RMND1: variants seen among roughly 807,000 people sequenced by gnomAD.
RMND1 encodes required for meiotic nuclear division protein 1 homolog.
Under a neutral mutation model 54.0 loss-of-function variants are expected in RMND1, and 41 were observed. The observed-to-expected ratio is 0.76, with a 90% CI of 0.59 to 0.98. The LOEUF (loss-of-function observed/expected upper bound fraction) is 0.98, where lower values mean the gene tolerates loss of function less well. RMND1 is among the 50% of genes least tolerant of loss of function. RMND1 has a pLI of 0.00. For missense variants in RMND1, 457 were observed against 532.0 expected, an observed-to-expected ratio of 0.86 and a Z score of 1.39; for synonymous variants, 183 against 181.7, an observed-to-expected ratio of 1.01 and a Z score of -0.06.
At chr6:151,410,293 G>A (rs1300078319) in intron 10 of RMND1, among the ~76,000 whole-genome samples, 1 of 152,122 alleles carries the variant, frequency 6.6e-6, no homozygotes, top group African/African-American at 2.4e-5. Context: ...CTGACCTTGT[G>A]ATCCGCCCTC....
chr6:151,435,476 C>T (rs1780577196), intron 3 of RMND1, among the ~76,000 whole-genome samples: 1 of 151,870 alleles, frequency 6.6e-6, no homozygotes, highest in South Asian at 2.1e-4. Context: ...TAAAGCAAGC[C>T]ATTTCTCAAG....
chr6:151,445,820 C>A lies in RMND1; in HGVS notation c.-9G>T. 6.4e-7 allele frequency: 1 copy of A among 1,571,352 alleles called. No individual in the cohort carries two copies. Among genetic ancestry groups the A allele is most frequent in the Non-Finnish European group, 8.6e-7 (1 of 1,160,406 alleles). On this transcript the variant is annotated 5_prime_UTR_variant, in exon 2 of 12. Coordinates refer to ENST00000444024, the MANE Select transcript of RMND1 (RefSeq NM_017909.4). ...AGGAGTGTGGCTGGCATTACCACAT[C>A]CCAAGCTAAAAGAAAAGGAATTCAA...
intron 7 of RMND1, 110 bp downstream of exon 7, chr6:151,423,415 G>T: frequency 1.5e-6 from 1 of 689,144 alleles, no homozygotes; most frequent in Non-Finnish European, 2.5e-6. Flanking sequence ...GAAAAGGAAT[G>T]CTAAGGCTTT....
intron 6 of RMND1, 103 bp downstream of exon 6, chr6:151,427,379 A>C (rs1780333718): frequency 1.5e-6 from 1 of 659,096 alleles, no homozygotes; most frequent in Admixed American, 2.9e-5. Flanking sequence ...CCGTCTCAAA[A>C]AAAAAAAAAA....
Position 151,423,567 on chromosome 6 carries a change from T to G in RMND1, c.895A>C (p.Ile299Leu), listed in dbSNP as rs78529872. The change falls in exon 7 of 12, where the codon ATT becomes CTT. Residue 299 changes from isoleucine to leucine, a missense_variant. Transcript: ENST00000444024. The part of the protein sequence containing the change: ...LNSELDLDDA[I>L]LEKFAFSNAL... ...TTGGAGAAAGCAAACTTCTCTAGAA[T>G]GGCATCATCTAAATCCAGCTCTGAA... 3 of 1,613,892 alleles carry G rather than the reference T, an allele frequency of 1.9e-6. No individual in the cohort carries two copies.
At chr6:151,422,298 T>A (rs986895309) in intron 8 of RMND1, among the ~76,000 whole-genome samples, 19 of 152,172 alleles carry the variant, frequency 1.2e-4, no homozygotes, top group Admixed American at 1.2e-3. Flanking sequence ...TTACATTATA[T>A]TAGGTATTTT....
At chr6:151,412,674 A>G (rs77850053) in intron 10 of RMND1, among the ~76,000 whole-genome samples, 9,560 of 152,276 alleles carry the variant, frequency 0.063, 432 homozygotes, top group Non-Finnish European at 0.094. Context: ...GTTCTACAGG[A>G]AGCATGATGC....
intron 10 of RMND1, among the ~76,000 whole-genome samples, chr6:151,413,031 T>C (rs1419110404): frequency 1.3e-5 from 2 of 152,152 alleles, no homozygotes; most frequent in African/African-American, 2.4e-5. Flanking sequence ...CACTGCCATG[T>C]TGTGAGATGC....
intron 6 of RMND1, among the ~76,000 whole-genome samples, chr6:151,426,365 C>CCTCTACAA: frequency 6.6e-6 from 1 of 152,320 alleles, no homozygotes; most frequent in Non-Finnish European, 1.5e-5. Context: ...AACATCTCTT[C>CCTCTACAA]ATTTTTTCCC....
intron 6 of RMND1, among the ~76,000 whole-genome samples, chr6:151,424,244 A>G (rs935905161): frequency 3.9e-5 from 6 of 151,960 alleles, no homozygotes; most frequent in African/African-American, 1.4e-4. Flanking sequence ...GTGGATCACG[A>G]GGTCAGGAGA....
intron 1 of RMND1, among the ~76,000 whole-genome samples, chr6:151,451,198 TAAAAAAA>T (rs58457871): frequency 3.4e-4 from 38 of 113,364 alleles, no homozygotes; most frequent in African/African-American, 9.5e-4. Context: ...GAATGATCAA[TAAAAAAA>T]AAAAAAAAAA....
At chr6:151,442,235 A>T (rs1780798815) in intron 2 of RMND1, among the ~76,000 whole-genome samples, 1 of 152,230 alleles carries the variant, frequency 6.6e-6, no homozygotes, top group African/African-American at 2.4e-5. Context: ...TTCTGACTAC[A>T]ACCTATAAAT....
At chr6:151,423,652 A>G (rs766858041) in intron 6 of RMND1, 21 bp from the exon 7 acceptor site, 8 of 1,467,252 alleles carry the variant, frequency 5.5e-6, no homozygotes, top group Admixed American at 1.7e-5. Context: ...CAAAAAGATA[A>G]TACCTTCTAA....
intron 6 of RMND1, among the ~76,000 whole-genome samples, chr6:151,423,885 C>A (rs1189728318): frequency 6.7e-6 from 1 of 150,278 alleles, no homozygotes; most frequent in Non-Finnish European, 1.5e-5. Flanking sequence ...TCTCACTCTG[C>A]CGCCCAGGCT....
At position 151,445,027 on chromosome 6, in the gene RMND1, T is replaced by C. The variant is rs3800279; in HGVS notation, c.504+281A>G. 0.32 allele frequency: 103,995 copies of C among 324,600 alleles called. 18,582 individuals carry two copies. The highest frequency in any genetic ancestry group is 0.5 in the African/African-American group (23,455 of 46,958). The allele number at this position is 324,600 out of a possible 1,614,324, so 20.1% of individuals were successfully genotyped here. ...TCCCATTCTTAGACTGGACTTAATA[T>C]TGGTCCTCTTTTTCAGTTTCCTTAG... On this transcript the variant is annotated intron_variant, in intron 2 of 11. Coordinates refer to ENST00000444024, the MANE Select transcript of RMND1 (RefSeq NM_017909.4).
Position 151,422,566 on chromosome 6 carries a change from A to G in RMND1, c.977T>C (p.Ile326Thr). ...AIWEASLDKF[I>T]ESIQSIPEAL... ...CTCAGGAATTGACTGAATAGATTCA[A>G]TAAATTTATCCAGTGATGCTTCCCA... The change falls in exon 8 of 12, where the codon ATT becomes ACT. Residue 326 changes from isoleucine to threonine, a missense_variant. By Grantham distance (89) the Ile-to-Thr change is moderately conservative (BLOSUM62 -1). Coordinates refer to ENST00000444024, the MANE Select transcript of RMND1 (RefSeq NM_017909.4). 1 of 1,541,700 alleles carries G rather than the reference A, an allele frequency of 6.5e-7. No individual in the cohort carries two copies. The highest frequency in any genetic ancestry group is 1.2e-5 in the South Asian group (1 of 81,414).
intron 2 of RMND1, among the ~76,000 whole-genome samples, chr6:151,438,763 G>A (rs1379012797): frequency 6.6e-6 from 1 of 151,080 alleles, no homozygotes; most frequent in African/African-American, 2.4e-5. Flanking sequence ...TGTGGTACTG[G>A]CCAAGCCCAT....
chr6:151,430,495 A>G (rs547903210), intron 4 of RMND1, among the ~76,000 whole-genome samples: 2 of 152,338 alleles, frequency 1.3e-5, no homozygotes, highest in East Asian at 3.9e-4. Context: ...ATCCACAGAA[A>G]TCAGAATAAG....
chr6:151,406,938 G>A (rs1458306029), intron 10 of RMND1, among the ~76,000 whole-genome samples: 1 of 151,902 alleles, frequency 6.6e-6, no homozygotes. Context: ...GGCAGGAGGC[G>A]CACTTGAGCT....
Sources: allele counts gnomAD v4.1 joint callset (sites outside exome capture counted in the v4.1 genomes callset), GRCh38; gene constraint gnomAD v4.1.1; transcripts MANE v1.5; gene names NCBI Gene and HGNC (gene_info 2026-07-23, HGNC 2026-07-21).